Variants in EDEM3 observed in about 807,000 individuals in gnomAD.
EDEM3 encodes ER degradation enhancing alpha-mannosidase like protein 3, also known as ER degradation-enhancing alpha-mannosidase-like protein 3.
Under a neutral mutation model 110.2 loss-of-function variants are expected in EDEM3, and 60 were observed. The observed-to-expected ratio is 0.54, with a 90% CI of 0.44 to 0.67. The LOEUF (loss-of-function observed/expected upper bound fraction) is 0.67. Ranked by LOEUF, EDEM3 falls within the 30% of genes least tolerant of loss-of-function variation. The pLI is 0.00. For synonymous variants in EDEM3, 352 were observed against 382.9 expected (o/e 0.92, Z 0.94); for missense variants, 996 against 1,121.0 (o/e 0.89, Z 1.59).
intron 15 of EDEM3, 101 bp downstream of exon 15, chr1:184,711,622 A>T: frequency 9.2e-7 from 1 of 1,092,120 alleles, no homozygotes; most frequent in Non-Finnish European, 1.2e-6. Context: ...TTTTCGGCCT[A>T]TGTGAATGTC....
chr1:184,691,912 A>G lies in EDEM3; in HGVS notation c.*2151T>C. ...CAATGAAAGGCAACACCTCCCTCTA[A>G]TGGCCAAAGGAAGAGAGTGGCAGTA... On this transcript the variant is annotated 3_prime_UTR_variant, in exon 20 of 20. Transcript: ENST00000318130. The G allele has an allele frequency of 6.6e-6, 1 of 152,104 alleles. No individual in the cohort carries two copies. Among genetic ancestry groups the G allele is most frequent in the East Asian group, 1.9e-4 (1 of 5,192 alleles). The allele number at this position is 152,104 out of a possible 1,614,324, so 9.4% of individuals were successfully genotyped here.
Position 184,702,793 on chromosome 1 carries a change from A to G in EDEM3, c.2389+18T>C. 1 of 1,508,062 alleles carries G rather than the reference A, an allele frequency of 6.6e-7. No individual in the cohort carries two copies. The highest frequency in any genetic ancestry group is 8.9e-7 in the Non-Finnish European group (1 of 1,127,278). 93.4% of individuals were successfully genotyped at this position (1,508,062 alleles called of 1,614,324 possible). ...AATATTACGCTGCATAAAAAAACAA[A>G]TGGTATTTTACTCTTACCTCGATCT... On this transcript the variant is annotated intron_variant, in intron 19 of 19. Transcript: ENST00000318130.
intron 19 of EDEM3, chr1:184,701,399 C>T: frequency 1.8e-6 from 1 of 556,858 alleles, no homozygotes; most frequent in South Asian, 3.0e-5. Context: ...TCATGGTATC[C>T]ACTGAAACAA....
In EDEM3 at chr1:184,690,515, ATATTT is replaced by A. The variant is rs1172482060; in HGVS notation, c.*3543_*3547del. The A allele has an allele frequency of 6.6e-6, 1 of 152,640 alleles. No homozygotes were observed. The highest frequency in any genetic ancestry group is 2.4e-5 in the African/African-American group (1 of 41,460). 9.5% of individuals were successfully genotyped at this position (152,640 alleles called of 1,614,324 possible). On this transcript the variant is annotated 3_prime_UTR_variant, in exon 20 of 20. Coordinates refer to ENST00000318130, the MANE Select transcript of EDEM3 (RefSeq NM_025191.4). Reference sequence around the variant, plus strand: ...ATTAAAACTAAACTGGAATATTTACATATTTTATTAAATCTTTACAATCAGTAATT... The same window carrying A: ...ATTAAAACTAAACTGGAATATTTACATATTAAATCTTTACAATCAGTAATT...
intron 11 of EDEM3, 65 bp downstream of exon 11, chr1:184,719,097 T>G: frequency 1.1e-6 from 1 of 890,566 alleles, no homozygotes; most frequent in Non-Finnish European, 1.7e-6. Flanking sequence ...ATAGTGTATA[T>G]GTGTACGTGT....
chr1:184,717,477 G>C (rs1650614739), intron 12 of EDEM3, 63 bp downstream of exon 12: 1 of 1,353,024 alleles, frequency 7.4e-7, no homozygotes, highest in African/African-American at 1.5e-5. Context: ...TATTATGAAA[G>C]AATGAGAGAT....
intron 19 of EDEM3, 58 bp downstream of exon 19, chr1:184,702,753 C>G (rs1433313029): frequency 1.9e-5 from 26 of 1,339,186 alleles, no homozygotes; most frequent in Non-Finnish European, 2.5e-5. Context: ...TTCTTGTTAT[C>G]AAACTAGCAA....
intron 19 of EDEM3, among the ~76,000 whole-genome samples, chr1:184,702,409 T>C (rs1407582773): frequency 6.6e-6 from 1 of 152,184 alleles, no homozygotes; most frequent in African/African-American, 2.4e-5. Flanking sequence ...CTAACTACTA[T>C]GATATTGTAT....
intron 19 of EDEM3, among the ~76,000 whole-genome samples, chr1:184,700,338 G>A (rs1323265138): frequency 1.3e-5 from 2 of 151,892 alleles, no homozygotes; most frequent in African/African-American, 2.4e-5. Flanking sequence ...GGAAAAATAC[G>A]TATTTGTGGA....
chr1:184,718,117 T>C (rs75420102), intron 11 of EDEM3, among the ~76,000 whole-genome samples: 3,428 of 152,176 alleles, frequency 0.023, 56 homozygotes, highest in Middle Eastern at 0.038. Flanking sequence ...TCTCACATAG[T>C]TCTCTTTTTT....
intron 1 of EDEM3, among the ~76,000 whole-genome samples, chr1:184,749,795 G>A (rs569323498): frequency 1.3e-5 from 2 of 152,218 alleles, no homozygotes; most frequent in South Asian, 2.1e-4. Context: ...ACACAGAGCT[G>A]AGCCAAACTT....
Position 184,754,477 on chromosome 1 carries a change from C to T in EDEM3, c.158+12G>A, listed in dbSNP as rs776541768. 2 of 1,613,182 alleles carry T rather than the reference C, an allele frequency of 1.2e-6. No individual in the cohort carries two copies. The highest frequency in any genetic ancestry group is 1.1e-5 in the South Asian group (1 of 91,052). On this transcript the variant is annotated intron_variant, in intron 1 of 19. Coordinates refer to ENST00000318130, the MANE Select transcript of EDEM3 (RefSeq NM_025191.4). ...CACCGAGAAACCCACCCCAGGCTGC[C>T]AGCACCCTTACCCAAGCTTCTGTTT... is the stretch of plus-strand genomic sequence containing the variant.
chr1:184,699,034 C>T (rs1649474788), intron 19 of EDEM3, among the ~76,000 whole-genome samples: 1 of 151,764 alleles, frequency 6.6e-6, no homozygotes, highest in Non-Finnish European at 1.5e-5. Flanking sequence ...GCATAACAAC[C>T]ACAATATTAA....
At chr1:184,704,383 G>A (rs925057885) in intron 18 of EDEM3, among the ~76,000 whole-genome samples, 3 of 151,808 alleles carry the variant, frequency 2.0e-5, no homozygotes, top group Admixed American at 1.3e-4. Flanking sequence ...GGCTGGGTGC[G>A]GTGGCTCATG....
At chr1:184,753,719 T>C (rs956564996) in intron 1 of EDEM3, among the ~76,000 whole-genome samples, 1 of 152,178 alleles carries the variant, frequency 6.6e-6, no homozygotes, top group Non-Finnish European at 1.5e-5. Context: ...TTTATGGAGG[T>C]TGAGTAACTT....
intron 19 of EDEM3, among the ~76,000 whole-genome samples, chr1:184,702,183 G>T (rs549912610): frequency 6.6e-5 from 10 of 152,168 alleles, no homozygotes; most frequent in African/African-American, 1.9e-4. Flanking sequence ...ATTGTAATTT[G>T]GGTTTCAAAG....
At position 184,750,518 on chromosome 1, in the gene EDEM3, C is replaced by CTTTTTTTTTTTTTT. The variant is rs376949251; in HGVS notation, c.159-927_159-926insAAAAAAAAAAAAAA. Reference sequence around the variant, plus strand: ...CTTAACAATTTTTTATTAACTTTTTCTTTTTTTTTTGAGACAGGGTCTCAC... The same window carrying CTTTTTTTTTTTTTT: ...CTTAACAATTTTTTATTAACTTTTTCTTTTTTTTTTTTTTTTTTTTTTTTGAGACAGGGTCTCAC... On this transcript the variant is annotated intron_variant, in intron 1 of 19. Transcript: ENST00000318130. Among the ~76,000 whole-genome samples, 6 of 146,462 alleles carry CTTTTTTTTTTTTTT rather than the reference C, an allele frequency of 4.1e-5. 1 individual carries two copies. The highest frequency in any genetic ancestry group is 7.5e-5 in the Non-Finnish European group (5 of 66,658).
chr1:184,725,721 A>C (rs1293865602), intron 7 of EDEM3, among the ~76,000 whole-genome samples: 1 of 152,042 alleles, frequency 6.6e-6, no homozygotes, highest in Non-Finnish European at 1.5e-5. Flanking sequence ...TTAAATAATT[A>C]GATTTTTTTA....
intron 13 of EDEM3, 105 bp from the exon 14 acceptor site, chr1:184,712,703 T>G: frequency 1.4e-6 from 1 of 729,900 alleles, no homozygotes; most frequent in Non-Finnish European, 2.1e-6. Flanking sequence ...TATACCAACT[T>G]AGATGTTCAA....
Sources: gnomAD v4.1 joint callset for allele counts (sites outside exome capture counted in the v4.1 genomes callset) on GRCh38, gnomAD v4.1.1 for gene constraint, MANE v1.5 for transcripts, NCBI Gene and HGNC (gene_info 2026-07-23, HGNC 2026-07-21) for gene names.